RABEP2: variants seen among roughly 807,000 people sequenced by gnomAD.
The protein encoded by RABEP2 is rab GTPase-binding effector protein 2.
In RABEP2, 57 loss-of-function variants were observed where a neutral mutation model predicts 74.1. The ratio of observed to expected loss-of-function variants is 0.77; its 90% CI spans 0.62 to 0.96. The LOEUF (loss-of-function observed/expected upper bound fraction) is 0.96. Ranked by LOEUF, RABEP2 falls within the 40% of genes least tolerant of loss-of-function variation. The probability of loss-of-function intolerance (pLI) is 0.00; values close to 1 mark genes in which losing one functional copy is unlikely to be tolerated. For missense variants in RABEP2, 692 were observed against 756.3 expected, an observed-to-expected ratio of 0.91 and a Z score of 1.00; for synonymous variants, 351 against 344.0, an observed-to-expected ratio of 1.02 and a Z score of -0.23.
rs750752217 is a variant in RABEP2, at chr16:28,906,121, G to A, written c.1321C>T (p.Arg441Cys). The change falls in exon 9 of 13, where the codon CGC becomes TGC. Residue 441 changes from arginine (R) to cysteine (C), a missense_variant. Arg to Cys is a radical substitution (Grantham distance 180, BLOSUM62 -3). Coordinates refer to ENST00000358201, the MANE Select transcript of RABEP2 (RefSeq NM_024816.3). Reference sequence around the variant, plus strand: ...AGCGTCACGATCTCGATCCGCAGGCGCTCGGCCCCGTGCTCCTGGGCCTGC... The same window carrying A: ...AGCGTCACGATCTCGATCCGCAGGCACTCGGCCCCGTGCTCCTGGGCCTGC... ...RLQAQEHGAE[R>C]LRIEIVTLRE... 122 of 1,577,376 alleles carry A rather than the reference G, an allele frequency of 7.7e-5. No individual in the cohort carries two copies. The highest frequency in any genetic ancestry group is 1.8e-4 in the Middle Eastern group (1 of 5,686).
chr16:28,920,423 T>A (rs1258455520), intron 2 of RABEP2, among the ~76,000 whole-genome samples: 1 of 151,140 alleles, frequency 6.6e-6, no homozygotes, highest in African/African-American at 2.4e-5. Context: ...TCTCACTCTG[T>A]CACCCAGGCT....
At chr16:28,905,354 G>A (rs775007480) in intron 12 of RABEP2, 43 bp downstream of exon 12, 68 of 1,449,724 alleles carry the variant, frequency 4.7e-5, no homozygotes, top group Admixed American at 1.9e-4. Flanking sequence ...GAGGTCACCC[G>A]GAGTGGAGCC....
At chr16:28,911,202 C>T in intron 5 of RABEP2, 23 bp from the exon 6 acceptor site, 1 of 1,600,884 alleles carries the variant, frequency 6.2e-7, no homozygotes, top group Admixed American at 1.7e-5. Flanking sequence ...CTGCCTTCAG[C>T]CTGCATCTCC....
intron 2 of RABEP2, among the ~76,000 whole-genome samples, chr16:28,923,296 G>A (rs1964491069): frequency 6.6e-6 from 1 of 152,114 alleles, no homozygotes; most frequent in South Asian, 2.1e-4. Context: ...TGTAGTCTTG[G>A]CTACTTGGGA....
At position 28,911,122 on chromosome 16, in the gene RABEP2, C is replaced by G. The variant is rs373327820; in HGVS notation, c.952G>C (p.Glu318Gln). 3.7e-6 allele frequency: 6 copies of G among 1,613,132 alleles called. No homozygotes were observed. The highest frequency in any genetic ancestry group is 5.1e-6 in the Non-Finnish European group (6 of 1,180,018). Residue 318 changes from glutamate to glutamine, a missense_variant, in exon 6 of 13, where the codon GAG becomes CAG. Physicochemically the swap from Glu to Gln is conservative, Grantham distance 29. Transcript: ENST00000358201. Reference protein sequence around the residue: ...SVSRERDELQEGLRRSNEDCA... With the variant: ...SVSRERDELQQGLRRSNEDCA... ...TCCTCATTGCTCCGTCTCAGGCCCT[C>G]TTGGAGCTCGTCCCGCTCGCGACTG...
At chr16:28,918,873 T>C (rs1254510841) in intron 3 of RABEP2, among the ~76,000 whole-genome samples, 1 of 152,098 alleles carries the variant, frequency 6.6e-6, no homozygotes, top group Non-Finnish European at 1.5e-5. Context: ...CAGGCTGGAG[T>C]GCAGTAGTGA....
intron 2 of RABEP2, among the ~76,000 whole-genome samples, chr16:28,923,396 G>C (rs781245402): frequency 6.6e-6 from 1 of 151,844 alleles, no homozygotes; most frequent in Non-Finnish European, 1.5e-5. Flanking sequence ...ACTCCAGCTT[G>C]GGCGACAGAG....
chr16:28,923,177 G>A (rs1481010741), intron 2 of RABEP2, among the ~76,000 whole-genome samples: 1 of 152,184 alleles, frequency 6.6e-6, no homozygotes, highest in Non-Finnish European at 1.5e-5. Flanking sequence ...GGAGGCCAAG[G>A]CAGGCAGATC....
At chr16:28,925,079 T>C in intron 1 of RABEP2, 24 bp downstream of exon 1, 1 of 1,543,644 alleles carries the variant, frequency 6.5e-7, no homozygotes, top group Non-Finnish European at 8.7e-7. Context: ...CGTTCCCCGC[T>C]TGCACGGACG....
chr16:28,914,750 G>C lies in RABEP2; in HGVS notation c.465C>G (p.Ile155Met). ...AHEDSEKLRE[I>M]VLPMEKEIEE... ...CGATCTCCTTTTCCATGGGCAGTAC[G>C]ATCTCCCGCAGCTTCTCCGAGTCCT... Residue 155 changes from isoleucine (I) to methionine (M), a missense_variant, in exon 4 of 13, where the codon ATC becomes ATG. Coordinates refer to ENST00000358201, the MANE Select transcript of RABEP2 (RefSeq NM_024816.3). 1 of 1,614,130 alleles carries C rather than the reference G, an allele frequency of 6.2e-7. No individual in the cohort carries two copies.
intron 7 of RABEP2, among the ~76,000 whole-genome samples, chr16:28,910,028 C>CAAAAAAAAAA (rs779404464): frequency 1.4e-5 from 1 of 69,168 alleles, no homozygotes; most frequent in Admixed American, 1.7e-4. Flanking sequence ...GACTCCGTCT[C>CAAAAAAAAAA]AAAAAAAAAA....
chr16:28,920,843 C>A (rs1964460534), intron 2 of RABEP2, among the ~76,000 whole-genome samples: 2 of 150,940 alleles, frequency 1.3e-5, no homozygotes, highest in Non-Finnish European at 3.0e-5. Context: ...CCTCCCCTCT[C>A]CCCCCACCCC....
rs752673667 is a variant in RABEP2 at position 28,910,903 on chromosome 16, C to A, written c.1074G>T (p.Arg358=). Residue 358 remains arginine (R), a synonymous_variant, in exon 7 of 13, where the codon CGG becomes CGT. Coordinates refer to ENST00000358201, the MANE Select transcript of RABEP2 (RefSeq NM_024816.3). ...AGGTACTCACCATCTGCAGCTGCAC[C>A]CGCTCCTGGGCCTGGCTCACGGTCC... is the stretch of plus-strand genomic sequence containing the variant. The part of the protein sequence containing the change: ...LQGTVSQAQE[R]VQLQMAELVT... 1.3e-5 allele frequency: 21 copies of A among 1,611,980 alleles called. No homozygotes were observed. Among genetic ancestry groups the A allele is most frequent in the Non-Finnish European group, 1.7e-5 (20 of 1,179,344 alleles).
Position 28,904,723 on chromosome 16 carries a change from G to A in RABEP2, c.*220C>T. 9.3e-6 allele frequency: 6 copies of A among 642,692 alleles called. No individual in the cohort carries two copies. In the South Asian group the frequency reaches 9.8e-5, roughly 11 times the overall value. 39.8% of individuals were successfully genotyped at this position (642,692 alleles called of 1,614,324 possible). On this transcript the variant is annotated 3_prime_UTR_variant, in exon 13 of 13. Coordinates refer to ENST00000358201, the MANE Select transcript of RABEP2 (RefSeq NM_024816.3). Reference sequence around the variant, plus strand: ...AGCCTGCACCTTTGGTTCCGGGAGGGGCTTGGGCCCCTCACCCAGGTGTGA... The same window carrying A: ...AGCCTGCACCTTTGGTTCCGGGAGGAGCTTGGGCCCCTCACCCAGGTGTGA...
At chr16:28,924,690 C>T (rs1447236801) in intron 1 of RABEP2, 75 bp from the exon 2 acceptor site, 17 of 1,367,820 alleles carry the variant, frequency 1.2e-5, no homozygotes, top group East Asian at 4.7e-5. Flanking sequence ...AGTCCTGCAA[C>T]CTAGTACTGT....
At chr16:28,918,722 T>G (rs940436452) in intron 3 of RABEP2, among the ~76,000 whole-genome samples, 1 of 152,096 alleles carries the variant, frequency 6.6e-6, no homozygotes. Flanking sequence ...GATGTGATCA[T>G]AGCTTGCTGC....
chr16:28,911,591 G>A (rs954070604), intron 5 of RABEP2, among the ~76,000 whole-genome samples: 39 of 149,374 alleles, frequency 2.6e-4, no homozygotes, highest in African/African-American at 8.7e-4. Flanking sequence ...TTAAACCCAG[G>A]AAGCAGAGGT....
rs1166546543 is a variant in RABEP2, at chr16:28,904,863, A to G, written c.*80T>C. On this transcript the variant is annotated 3_prime_UTR_variant, in exon 13 of 13. Transcript: ENST00000358201. ...TCAGGGACGGTGGAAAAGCCATCCAAGACCCCAGAGCGAGGCCTCATGGTT... is the reference window on the plus strand; with the variant it reads ...TCAGGGACGGTGGAAAAGCCATCCAGGACCCCAGAGCGAGGCCTCATGGTT... 9.1e-7 allele frequency: 1 copy of G among 1,099,174 alleles called. No homozygotes were observed. The highest frequency in any genetic ancestry group is 1.3e-6 in the Non-Finnish European group (1 of 753,186). The allele number at this position is 1,099,174 out of a possible 1,614,324, so 68.1% of individuals were successfully genotyped here.
rs373491034 is a variant in RABEP2 at position 28,915,647 on chromosome 16, C to T, written c.433-865G>A. Among the ~76,000 whole-genome samples, 193 of 152,198 alleles carry T rather than the reference C, an allele frequency of 1.3e-3. 2 individuals carry two copies. In the South Asian group the frequency reaches 0.016, roughly 13 times the overall value. Reference sequence around the variant, plus strand: ...GCAACCTCCGCCTCCTGGGTTCAAGCGATTCTCCTGCCTCAGCCTCATGAG... The same window carrying T: ...GCAACCTCCGCCTCCTGGGTTCAAGTGATTCTCCTGCCTCAGCCTCATGAG... On this transcript the variant is annotated intron_variant, in intron 3 of 12. Coordinates refer to ENST00000358201, the MANE Select transcript of RABEP2 (RefSeq NM_024816.3).
Sources: gnomAD v4.1 joint callset for allele counts (sites outside exome capture counted in the v4.1 genomes callset) on GRCh38, gnomAD v4.1.1 for gene constraint, MANE v1.5 for transcripts, NCBI Gene and HGNC (gene_info 2026-07-23, HGNC 2026-07-21) for gene names.